The following AP2A2 variants were observed in gnomAD, a reference collection of about 807,000 sequenced individuals.
The protein encoded by AP2A2 is adaptor related protein complex 2 subunit alpha 2, also known as AP-2 complex subunit alpha-2.
In AP2A2, 32 loss-of-function variants were observed where a neutral mutation model predicts 104.2. The ratio of observed to expected loss-of-function variants is 0.31; its 90% CI spans 0.23 to 0.41. AP2A2 has a LOEUF of 0.41. Among genes scored for constraint, AP2A2 ranks in the 10% least tolerant of loss-of-function variants. The pLI is 1.00. For missense variants in AP2A2, 912 were observed against 1,261.0 expected (o/e 0.72, Z 4.19); for synonymous variants, 539 against 533.3 (o/e 1.01, Z -0.15).
At chr11:982,326 T>C (rs1855274271) in intron 6 of AP2A2, among the ~76,000 whole-genome samples, 2 of 152,218 alleles carry the variant, frequency 1.3e-5, no homozygotes, top group South Asian at 2.1e-4. Context: ...GCTGGAATTA[T>C]AGGCGTGAGC....
chr11:945,183 C>T (rs1038799858), intron 1 of AP2A2, among the ~76,000 whole-genome samples: 5 of 152,074 alleles, frequency 3.3e-5, no homozygotes, highest in African/African-American at 1.2e-4. Flanking sequence ...ACATGTGATA[C>T]ATTGAGGGTG....
intron 5 of AP2A2, among the ~76,000 whole-genome samples, chr11:980,830 A>G (rs1176070600): frequency 3.3e-5 from 5 of 152,252 alleles, no homozygotes; most frequent in African/African-American, 7.2e-5. Context: ...AACATGCGTT[A>G]TTAAACCAGA....
intron 1 of AP2A2, among the ~76,000 whole-genome samples, chr11:950,787 T>TA (rs1200806911): frequency 6.6e-6 from 1 of 152,084 alleles, no homozygotes; most frequent in African/African-American, 2.4e-5. Context: ...ACAACTAAAT[T>TA]AAAAAATTGA....
At chr11:961,075 A>C (rs1854417696) in intron 2 of AP2A2, among the ~76,000 whole-genome samples, 1 of 152,298 alleles carries the variant, frequency 6.6e-6, no homozygotes, top group Admixed American at 6.5e-5. Flanking sequence ...GACACCAGTG[A>C]AAAGTAAAGG....
intron 1 of AP2A2, among the ~76,000 whole-genome samples, chr11:930,917 C>T (rs182968745): frequency 2.5e-4 from 38 of 152,320 alleles, no homozygotes; most frequent in Middle Eastern, 6.8e-3. Context: ...ATTCAGATTT[C>T]GTTAGATCGA....
chr11:994,637 C>T (rs1236295212), intron 14 of AP2A2, among the ~76,000 whole-genome samples: 23 of 140,378 alleles, frequency 1.6e-4, no homozygotes, highest in African/African-American at 5.7e-4. Flanking sequence ...TGGCCTGTCC[C>T]GGGGGCCACT....
chr11:952,945 A>G (rs1298222453), intron 1 of AP2A2, among the ~76,000 whole-genome samples: 1 of 152,202 alleles, frequency 6.6e-6, no homozygotes, highest in African/African-American at 2.4e-5. Context: ...GTGCCTGGCC[A>G]GGAGCACGCT....
rs147058887 is a variant in AP2A2, at chr11:1,000,854, G to A, written c.2123+256G>A. Among the ~76,000 whole-genome samples, 779 of 152,348 alleles carry A rather than the reference G, an allele frequency of 5.1e-3. 5 individuals are homozygous for A. Among genetic ancestry groups the A allele is most frequent in the Non-Finnish European group, 7.8e-3 (530 of 68,036 alleles). On this transcript the variant is annotated intron_variant, in intron 15 of 21. Transcript: ENST00000448903. Reference sequence around the variant, plus strand: ...GGACATGAAAGAAACACACTGTCTGGGTGGTGGTTGTGTCCTGTCTGCACG... The same window carrying A: ...GGACATGAAAGAAACACACTGTCTGAGTGGTGGTTGTGTCCTGTCTGCACG...
intron 1 of AP2A2, among the ~76,000 whole-genome samples, chr11:934,904 G>C (rs529321716): frequency 4.0e-5 from 6 of 151,670 alleles, no homozygotes; most frequent in African/African-American, 1.2e-4. Flanking sequence ...TCTCACCCAG[G>C]CTGGAGTGCA....
Position 1,005,506 on chromosome 11 carries a change from A to G in AP2A2, c.2207-1022A>G, listed in dbSNP as rs147685259. On this transcript the variant is annotated intron_variant, in intron 16 of 21. Transcript: ENST00000448903. ...GTGAATGTTAGTGTATTTTACCACA[A>G]TTTAGGAGAAAGACATAAAAAAGCC... Among the ~76,000 whole-genome samples the G allele has an allele frequency of 3.4e-3, 514 of 152,322 alleles. 1 individual carries two copies. The highest frequency in any genetic ancestry group is 4.9e-3 in the Non-Finnish European group (331 of 68,036).
rs114881396 is a variant in AP2A2, at chr11:968,579, G to A, written c.137-1590G>A. Among the ~76,000 whole-genome samples the A allele has an allele frequency of 0.027, 4,136 of 152,296 alleles. 197 individuals are homozygous for A. The highest frequency in any genetic ancestry group is 0.092 in the African/African-American group (3,829 of 41,540). On this transcript the variant is annotated intron_variant, in intron 2 of 21. Transcript: ENST00000448903. This position sits in a 1 kb window ranked among gnomAD's most constrained non-coding sequence, Gnocchi z 4.2. ...GTCTCCGGAGGGAGGAGGAGGTCAA[G>A]CAGTATTTTTGGCTGTGGTTGTCCA...
intron 6 of AP2A2, among the ~76,000 whole-genome samples, chr11:984,414 T>C (rs1182829585): frequency 2.0e-5 from 3 of 152,158 alleles, no homozygotes; most frequent in Non-Finnish European, 4.4e-5. Context: ...TGGTGTCTTG[T>C]ACCGAGCGAG....
chr11:997,758 A>T (rs1855900105), intron 14 of AP2A2, among the ~76,000 whole-genome samples: 1 of 152,042 alleles, frequency 6.6e-6, no homozygotes, highest in Non-Finnish European at 1.5e-5. Flanking sequence ...TACAAAAATT[A>T]GCCAGGTGTG....
intron 2 of AP2A2, among the ~76,000 whole-genome samples, chr11:963,717 G>T (rs941952656): frequency 1.3e-5 from 2 of 152,122 alleles, no homozygotes; most frequent in Non-Finnish European, 2.9e-5. Flanking sequence ...CAACCCCCCG[G>T]GCTCAAGCCA....
chr11:989,963 G>A (rs1855592034), intron 10 of AP2A2, among the ~76,000 whole-genome samples: 1 of 152,208 alleles, frequency 6.6e-6, no homozygotes. Flanking sequence ...GAGCTTTGCC[G>A]AGAGCCAGTG....
At chr11:953,547 C>G (rs1423294281) in intron 1 of AP2A2, among the ~76,000 whole-genome samples, 1 of 106,268 alleles carries the variant, frequency 9.4e-6, no homozygotes, top group Non-Finnish European at 2.2e-5. Context: ...CCGTAAGAGC[C>G]CCCCCCCCCC....
At chr11:947,115 A>AT (rs1853872663) in intron 1 of AP2A2, among the ~76,000 whole-genome samples, 1 of 147,796 alleles carries the variant, frequency 6.8e-6, no homozygotes, top group Non-Finnish European at 1.5e-5. Context: ...GACTCAGGTG[A>AT]TTCTCCTGCC....
chr11:947,895 G>A (rs899544123), intron 1 of AP2A2, among the ~76,000 whole-genome samples: 2 of 152,132 alleles, frequency 1.3e-5, no homozygotes, highest in Non-Finnish European at 2.9e-5. Flanking sequence ...AGTTTGAGGT[G>A]CAATGAACTA....
rs1041029686 is a variant in AP2A2, at chr11:993,688, C to CA, written c.1551-66_1551-65insA. ...GGGGGTCTCGCCGCCGTCCCCCCCC[C>CA]GCGGGGGCGTGCTGCAGCCTGCGAG... On this transcript the variant is annotated intron_variant, in intron 12 of 21. Coordinates refer to ENST00000448903, the MANE Select transcript of AP2A2 (RefSeq NM_012305.4). This position sits in a 1 kb window ranked among gnomAD's most constrained non-coding sequence, Gnocchi z 8.2. 1 of 1,295,204 alleles carries CA rather than the reference C, an allele frequency of 7.7e-7. No individual in the cohort carries two copies. The highest frequency in any genetic ancestry group is 1.1e-6 in the Non-Finnish European group (1 of 939,316). 80.2% of individuals were successfully genotyped at this position (1,295,204 alleles called of 1,614,324 possible).
Sources: gnomAD v4.1 joint callset for allele counts (sites outside exome capture counted in the v4.1 genomes callset) on GRCh38, gnomAD v4.1.1 for gene constraint, Gnocchi (gnomAD v3.1) non-coding constraint, MANE v1.5 for transcripts, NCBI Gene and HGNC (gene_info 2026-07-23, HGNC 2026-07-21) for gene names.